Variants in PARP11 observed in about 807,000 individuals in gnomAD.
PARP11 encodes the protein poly(ADP-ribose) polymerase family member 11, also known as protein mono-ADP-ribosyltransferase PARP11.
PARP11 carries 31 observed loss-of-function variants against 42.9 expected under a neutral mutation model. The ratio of observed to expected loss-of-function variants is 0.72; its 90% CI spans 0.54 to 0.98. The LOEUF is 0.98. Ranked by LOEUF, PARP11 falls within the 50% of genes least tolerant of loss-of-function variation. The pLI is 0.00. For missense variants in PARP11, 365 were observed against 413.1 expected (o/e 0.88, Z 1.01); for synonymous variants, 137 against 127.3 (o/e 1.08, Z -0.51).
intron 1 of PARP11, among the ~76,000 whole-genome samples, chr12:3,860,130 C>G (rs1466633396): frequency 6.6e-6 from 1 of 152,126 alleles, no homozygotes; most frequent in Non-Finnish European, 1.5e-5. Flanking sequence ...AAAGTCTGTT[C>G]AGAGGACAAC....
chr12:3,846,591 C>T (rs1948002723), intron 1 of PARP11, among the ~76,000 whole-genome samples: 1 of 151,016 alleles, frequency 6.6e-6, no homozygotes, highest in African/African-American at 2.4e-5. Context: ...CCCGTCTCTA[C>T]TAAAAATACA....
chr12:3,854,427 G>A (rs911098867), intron 1 of PARP11, among the ~76,000 whole-genome samples: 9 of 152,022 alleles, frequency 5.9e-5, no homozygotes, highest in Admixed American at 2.6e-4. Context: ...GAATCAAATA[G>A]ACACAATAAA....
intron 1 of PARP11, chr12:3,839,325 C>T (rs934750363): frequency 1.8e-5 from 28 of 1,529,494 alleles, no homozygotes; most frequent in Non-Finnish European, 2.4e-5. Context: ...TCGGCGTCCC[C>T]GACGGCGAGG....
intron 1 of PARP11, among the ~76,000 whole-genome samples, chr12:3,872,335 G>A (rs1367790328): frequency 6.6e-6 from 1 of 152,196 alleles, no homozygotes; most frequent in East Asian, 1.9e-4. Context: ...ACTTTGATTA[G>A]ATTTGCTCTG....
rs1359321706 is a variant in PARP11 at position 3,809,890 on chromosome 12, A to G, written c.*2233T>C. 1 of 152,208 alleles carries G rather than the reference A, an allele frequency of 6.6e-6. No individual in the cohort carries two copies. 9.4% of individuals were successfully genotyped at this position (152,208 alleles called of 1,614,324 possible). Reference sequence around the variant, plus strand: ...TCTAAATATTCTCAGCACTTCATCTAAACCAGCAGCTGGGGTGCATACCTG... The same window carrying G: ...TCTAAATATTCTCAGCACTTCATCTGAACCAGCAGCTGGGGTGCATACCTG... On this transcript the variant is annotated 3_prime_UTR_variant, in exon 8 of 8. Transcript: ENST00000228820.
chr12:3,841,883 G>T, intron 1 of PARP11: 1 of 1,608,242 alleles, frequency 6.2e-7, no homozygotes. Context: ...AAAGATTGTG[G>T]TTCAGTTTCC....
At chr12:3,846,515 G>C (rs1002072225) in intron 1 of PARP11, among the ~76,000 whole-genome samples, 8 of 152,056 alleles carry the variant, frequency 5.3e-5, no homozygotes, top group African/African-American at 1.9e-4. Context: ...CCAGCACTTT[G>C]GGAGGCCAAG....
Position 3,840,364 on chromosome 12 carries a change from C to T in PARP11, c.19-10346G>A. On this transcript the variant is annotated intron_variant, in intron 1 of 7. Coordinates refer to ENST00000228820, the MANE Select transcript of PARP11 (RefSeq NM_020367.6). This position sits in a 1 kb window ranked among gnomAD's most constrained non-coding sequence, Gnocchi z 4.4. ...ACCTTCCACTTCTGGACAAAATTTC[C>T]ATTCTGATATGGATTACAGAGGGCC... 6.2e-7 allele frequency: 1 copy of T among 1,614,044 alleles called. No homozygotes were observed. Among genetic ancestry groups the T allele is most frequent in the South Asian group, 1.1e-5 (1 of 91,068 alleles).
At chr12:3,844,023 A>C (rs1212474777) in intron 1 of PARP11, among the ~76,000 whole-genome samples, 2 of 152,166 alleles carry the variant, frequency 1.3e-5, no homozygotes, top group Non-Finnish European at 2.9e-5. Flanking sequence ...GAAACAGATG[A>C]GTTTTCTGGG....
At chr12:3,839,070 T>C (rs1947828494) in intron 1 of PARP11, among the ~76,000 whole-genome samples, 1 of 151,984 alleles carries the variant, frequency 6.6e-6, no homozygotes, top group Non-Finnish European at 1.5e-5. Context: ...GCGTGTTCGC[T>C]CCGAGGAGGC....
intron 1 of PARP11, among the ~76,000 whole-genome samples, chr12:3,838,798 C>T (rs1947818539): frequency 6.6e-6 from 1 of 152,178 alleles, no homozygotes; most frequent in African/African-American, 2.4e-5. Context: ...GGTGGGGAAA[C>T]GAAAGGCCGC....
Position 3,829,019 on chromosome 12 carries a change from G to A in PARP11, c.159C>T (p.Asn53=), listed in dbSNP as rs369948141. ...GKWHMFQPDT[N]SQCSVSSEDI... ...CTTCACTGCTAACTGAACACTGACT[G>A]TTGGTATCCGGCTTTAAGACAAACC... is the stretch of plus-strand genomic sequence containing the variant. Residue 53 remains asparagine, a synonymous_variant, in exon 3 of 8, where the codon AAC becomes AAT. Transcript: ENST00000228820. The A allele has an allele frequency of 1.1e-4, 171 of 1,613,758 alleles. No homozygotes were observed. Among genetic ancestry groups the A allele is most frequent in the Non-Finnish European group, 1.4e-4 (168 of 1,179,880 alleles).
chr12:3,866,574 T>C (rs1948394498), intron 1 of PARP11, among the ~76,000 whole-genome samples: 1 of 152,240 alleles, frequency 6.6e-6, no homozygotes, highest in Admixed American at 6.5e-5. Context: ...CCCATTATAT[T>C]CACTCTCTGT....
At chr12:3,826,636 C>T (rs1947533072) in intron 3 of PARP11, among the ~76,000 whole-genome samples, 1 of 152,268 alleles carries the variant, frequency 6.6e-6, no homozygotes, top group East Asian at 1.9e-4. Flanking sequence ...GAAAAATGTA[C>T]TTTCATCTCT....
chr12:3,844,723 A>C (rs1428647050), intron 1 of PARP11, among the ~76,000 whole-genome samples: 1 of 152,220 alleles, frequency 6.6e-6, no homozygotes, highest in African/African-American at 2.4e-5. Context: ...ATATGATGGA[A>C]GAAGTGCTTG....
Position 3,826,155 on chromosome 12 carries a change from T to C in PARP11, c.344+3A>G, listed in dbSNP as rs781560947. 2 of 1,568,226 alleles carry C rather than the reference T, an allele frequency of 1.3e-6. No homozygotes were observed. Among genetic ancestry groups the C allele is most frequent in the Non-Finnish European group, 8.6e-7 (1 of 1,157,828 alleles). ...CTTTCCACCCCTATTCTCTTTACCATACCTGAAAGCACTGATAGAAAAGGG... is the reference window on the plus strand; with the variant it reads ...CTTTCCACCCCTATTCTCTTTACCACACCTGAAAGCACTGATAGAAAAGGG... On this transcript the variant is annotated splice_donor_region_variant and intron_variant, in intron 4 of 7. Transcript: ENST00000228820.
At chr12:3,849,197 C>T (rs766489349) in intron 1 of PARP11, among the ~76,000 whole-genome samples, 10 of 151,878 alleles carry the variant, frequency 6.6e-5, no homozygotes, top group East Asian at 1.9e-4. Flanking sequence ...ATGGAACCCT[C>T]GTTCACTGTT....
intron 1 of PARP11, among the ~76,000 whole-genome samples, chr12:3,859,436 G>A (rs541379514): frequency 6.7e-4 from 102 of 151,902 alleles, no homozygotes; most frequent in South Asian, 1.0e-3. Flanking sequence ...GGTGGCACAC[G>A]CCTGTAGTCC....
At chr12:3,851,148 T>C (rs1948089204) in intron 1 of PARP11, among the ~76,000 whole-genome samples, 1 of 152,180 alleles carries the variant, frequency 6.6e-6, no homozygotes, top group Non-Finnish European at 1.5e-5. Flanking sequence ...CATTCCAAGA[T>C]GGCCAAATAG....
Sources: gnomAD v4.1 joint callset for allele counts (sites outside exome capture counted in the v4.1 genomes callset) on GRCh38, gnomAD v4.1.1 for gene constraint, Gnocchi (gnomAD v3.1) non-coding constraint, MANE v1.5 for transcripts, NCBI Gene and HGNC (gene_info 2026-07-23, HGNC 2026-07-21) for gene names.